Variants in CLVS1 observed in about 807,000 individuals in gnomAD.
CLVS1 encodes the protein clavesin 1.
Under a neutral mutation model 33.1 loss-of-function variants are expected in CLVS1, and 10 were observed. The observed-to-expected ratio is 0.30, with a 90% CI of 0.19 to 0.51. The LOEUF is 0.51. CLVS1 is among the 20% of genes least tolerant of loss of function. The pLI is 0.97. For missense variants in CLVS1, 343 were observed against 433.4 expected, an observed-to-expected ratio of 0.79 and a Z score of 1.85; for synonymous variants, 163 against 166.1, an observed-to-expected ratio of 0.98 and a Z score of 0.14.
At chr8:61,461,405 A>T (rs2129607308) in intron 5 of CLVS1, among the ~76,000 whole-genome samples, 1 of 152,318 alleles carries the variant, frequency 6.6e-6, no homozygotes, top group South Asian at 2.1e-4. Context: ...GTTCTTGTCA[A>T]ACCTGATGTT....
intron 3 of CLVS1, among the ~76,000 whole-genome samples, chr8:61,444,378 T>G (rs1255853217): frequency 6.6e-6 from 1 of 152,224 alleles, no homozygotes; most frequent in African/African-American, 2.4e-5. Flanking sequence ...GCAGATGTTT[T>G]AAAATCACGT....
chr8:61,122,613 A>ACACACAC (rs1805897639), intron 1 of CLVS1, among the ~76,000 whole-genome samples: 1 of 125,526 alleles, frequency 8.0e-6, no homozygotes, highest in Non-Finnish European at 1.8e-5. Flanking sequence ...CACACACACA[A>ACACACAC]GAAAACAGCA....
rs192635613 is a variant in CLVS1, at chr8:61,475,095, C to T, written c.977+16553C>T. 4.1e-3 allele frequency among the ~76,000 whole-genome samples: 620 copies of T among 152,262 alleles called. 13 individuals carry two copies. Among genetic ancestry groups the T allele is most frequent in the Admixed American group, 0.038 (584 of 15,296 alleles). ...CTTTGCTGAGAATGATGGTTTCCAG[C>T]TTCATCCATGTCCCTACAAAGGACA... is the stretch of plus-strand genomic sequence containing the variant. On this transcript the variant is annotated intron_variant, in intron 5 of 5. Transcript: ENST00000325897.
intron 3 of CLVS1, among the ~76,000 whole-genome samples, chr8:61,384,196 T>A (rs906832990): frequency 6.6e-6 from 1 of 152,186 alleles, no homozygotes; most frequent in East Asian, 1.9e-4. Flanking sequence ...TTAATTTAAT[T>A]TTTTTGGAAT....
At chr8:61,444,718 C>T (rs1262864321) in intron 3 of CLVS1, among the ~76,000 whole-genome samples, 2 of 152,056 alleles carry the variant, frequency 1.3e-5, no homozygotes, top group African/African-American at 4.8e-5. Flanking sequence ...AGAACTTGGG[C>T]AAGAGCCTTT....
chr8:61,429,017 C>T (rs575707963), intron 3 of CLVS1, among the ~76,000 whole-genome samples: 22 of 152,192 alleles, frequency 1.4e-4, no homozygotes, highest in African/African-American at 4.8e-4. Context: ...AATTTATACA[C>T]GGTAGAAATT....
At chr8:61,047,953 T>A in the CLVS1 span, among the ~76,000 whole-genome samples, 3 of 151,014 alleles carry the variant, frequency 2.0e-5, no homozygotes, top group African/African-American at 7.4e-5. Flanking sequence ...AATAATAAAA[T>A]AAAAAAAATT....
chr8:61,470,822 TTAA>T (rs1476670879), intron 5 of CLVS1, among the ~76,000 whole-genome samples: 1 of 152,236 alleles, frequency 6.6e-6, no homozygotes, highest in African/African-American at 2.4e-5. Flanking sequence ...TCAGCTGAGC[TTAA>T]GATGTTCAAA....
At chr8:61,301,989 G>T (rs141156004) in intron 2 of CLVS1, among the ~76,000 whole-genome samples, 1 of 152,022 alleles carries the variant, frequency 6.6e-6, no homozygotes, top group Non-Finnish European at 1.5e-5. Flanking sequence ...TATGTTTCAC[G>T]GGGAGACATG....
In CLVS1 at chr8:61,232,022, G is replaced by GTTTTTTGTTTGTTT. The variant is rs376185436; in HGVS notation, c.-151-67655_-151-67654insTTTTTTGTTTGTTT. 9.2e-3 allele frequency among the ~76,000 whole-genome samples: 1,071 copies of GTTTTTTGTTTGTTT among 117,036 alleles called. 104 individuals are homozygous for GTTTTTTGTTTGTTT. Among genetic ancestry groups the GTTTTTTGTTTGTTT allele is most frequent in the African/African-American group, 0.045 (1,005 of 22,312 alleles). 76.8% of individuals were successfully genotyped at this position (117,036 alleles called of 152,430 possible). On this transcript the variant is annotated intron_variant, in intron 2 of 2. Transcript: ENST00000522621. ...GAGAAGGAGCCCTGAGGAAAGTTGT[G>GTTTTTTGTTTGTTT]GTTTTTTTTTTTTTTTTTTTTTTTT...
At chr8:61,018,279 C>G in the CLVS1 span, among the ~76,000 whole-genome samples, 1 of 152,198 alleles carries the variant, frequency 6.6e-6, no homozygotes, top group Admixed American at 6.5e-5. Context: ...GTTATTTTCT[C>G]TCCTCCTTAC....
intron 1 of CLVS1, among the ~76,000 whole-genome samples, chr8:61,107,038 A>G (rs969413713): frequency 6.6e-6 from 1 of 152,202 alleles, no homozygotes; most frequent in Admixed American, 6.5e-5. Flanking sequence ...AAGCAGGTGA[A>G]CTGCCATTCT....
intron 1 of CLVS1, among the ~76,000 whole-genome samples, chr8:61,131,195 A>G (rs2129291210): frequency 6.6e-6 from 1 of 152,248 alleles, no homozygotes; most frequent in African/African-American, 2.4e-5. Context: ...CACTGAAACC[A>G]TGGATTCACA....
chr8:61,006,353 C>G, the CLVS1 span, among the ~76,000 whole-genome samples: 1 of 152,206 alleles, frequency 6.6e-6, no homozygotes, highest in South Asian at 2.1e-4. Flanking sequence ...TTCTCCTGGC[C>G]TCTCCTTGCC....
At chr8:61,147,518 T>A (rs950682720) in intron 2 of CLVS1, among the ~76,000 whole-genome samples, 1 of 152,228 alleles carries the variant, frequency 6.6e-6, no homozygotes, top group Non-Finnish European at 1.5e-5. Flanking sequence ...GTTTTCAAAA[T>A]ATCCTAGATA....
At chr8:61,325,829 C>G (rs1177560012) in intron 2 of CLVS1, among the ~76,000 whole-genome samples, 1 of 152,188 alleles carries the variant, frequency 6.6e-6, no homozygotes, top group South Asian at 2.1e-4. Context: ...GGCCTTATAC[C>G]CCTCCTCTAA....
At chr8:61,155,506 A>G (rs1481283859) in intron 2 of CLVS1, among the ~76,000 whole-genome samples, 1 of 152,192 alleles carries the variant, frequency 6.6e-6, no homozygotes, top group Non-Finnish European at 1.5e-5. Context: ...AATGGTGATT[A>G]TTCAAATGTT....
chr8:61,195,570 T>G (rs939386776), intron 2 of CLVS1, among the ~76,000 whole-genome samples: 1 of 152,042 alleles, frequency 6.6e-6, no homozygotes, highest in Non-Finnish European at 1.5e-5. Flanking sequence ...TTACTTAGAA[T>G]TAAGGATTAT....
the CLVS1 span, among the ~76,000 whole-genome samples, chr8:61,010,625 A>G: frequency 2.6e-5 from 4 of 152,188 alleles, no homozygotes; most frequent in Non-Finnish European, 4.4e-5. Flanking sequence ...ACTGTTGCCC[A>G]TTTGTTAATG....
Sources: allele counts gnomAD v4.1 joint callset (sites outside exome capture counted in the v4.1 genomes callset), GRCh38; gene constraint gnomAD v4.1.1; transcripts MANE v1.5; gene names NCBI Gene and HGNC (gene_info 2026-07-23, HGNC 2026-07-21).